The following TAB1 variants were observed in gnomAD, a reference collection of about 807,000 sequenced individuals.
The protein encoded by TAB1 is TGF-beta-activated kinase 1 and MAP3K7-binding protein 1.
Under a neutral mutation model 54.5 loss-of-function variants are expected in TAB1, and 30 were observed. That is an observed-to-expected ratio of 0.55 (90% CI 0.41 to 0.75). The LOEUF (loss-of-function observed/expected upper bound fraction) is 0.75, where lower values mean the gene tolerates loss of function less well. Ranked by LOEUF, TAB1 falls within the 30% of genes least tolerant of loss-of-function variation. TAB1 has a pLI of 0.00. For missense variants in TAB1, 609 were observed against 683.2 expected (o/e 0.89, Z 1.21); for synonymous variants, 289 against 286.9 (o/e 1.01, Z -0.07).
intron 6 of TAB1, among the ~76,000 whole-genome samples, chr22:39,419,140 C>G (rs1223740215): frequency 2.6e-5 from 4 of 152,218 alleles, no homozygotes; most frequent in African/African-American, 9.7e-5. Flanking sequence ...ACACAGAAGA[C>G]ACTTACTGTT....
intron 8 of TAB1, among the ~76,000 whole-genome samples, chr22:39,425,439 C>T (rs1487108158): frequency 1.3e-5 from 2 of 151,858 alleles, no homozygotes; most frequent in Non-Finnish European, 2.9e-5. Context: ...TGAAAATAGG[C>T]TTTGTGCTAG....
chr22:39,420,675 A>T (rs150838022), intron 7 of TAB1, among the ~76,000 whole-genome samples: 1 of 152,198 alleles, frequency 6.6e-6, no homozygotes, highest in East Asian at 1.9e-4. Context: ...AAGTCTTCCT[A>T]CACCACACTC....
chr22:39,414,493 G>C (rs200509528), intron 1 of TAB1, among the ~76,000 whole-genome samples: 1 of 152,228 alleles, frequency 6.6e-6, no homozygotes, highest in East Asian at 1.9e-4. Context: ...AGTTTCTCCA[G>C]GCTGGGTCTT....
chr22:39,433,752 C>T (rs1927676238), downstream of TAB1: 13 of 985,310 alleles, frequency 1.3e-5, no homozygotes, highest in Admixed American at 1.2e-4. Context: ...CTGTCTGGAG[C>T]GACTCCAGGC....
intron 1 of TAB1, among the ~76,000 whole-genome samples, chr22:39,403,879 C>T (rs1020270024): frequency 2.0e-5 from 3 of 152,036 alleles, no homozygotes; most frequent in Non-Finnish European, 2.9e-5. Context: ...CTCCTGACCT[C>T]GTGATCTGCC....
At chr22:39,413,141 T>C (rs1926679463) in intron 1 of TAB1, among the ~76,000 whole-genome samples, 2 of 151,996 alleles carry the variant, frequency 1.3e-5, no homozygotes, top group African/African-American at 4.8e-5. Flanking sequence ...GTCTCGATCT[T>C]CTGACCTCAT....
At chr22:39,426,120 A>C (rs1406190895) in intron 8 of TAB1, among the ~76,000 whole-genome samples, 1 of 152,156 alleles carries the variant, frequency 6.6e-6, no homozygotes, top group Non-Finnish European at 1.5e-5. Context: ...CAGCCTCCCA[A>C]AGTGCTGGGA....
Position 39,430,619 on chromosome 22 carries a change from C to CCCT in TAB1, c.*403_*405dup, listed in dbSNP as rs1261223420. The stretch of plus-strand genomic sequence containing the variant: ...GCAGACCCTGCTGTCCCAAGCCCAC[C>CCCT]CCTCCTCCCACCATCACCTCCCTCA... On this transcript the variant is annotated 3_prime_UTR_variant, in exon 11 of 11. Coordinates refer to ENST00000216160, the MANE Select transcript of TAB1 (RefSeq NM_006116.3). 9.1e-7 allele frequency: 1 copy of CCCT among 1,098,782 alleles called. No homozygotes were observed. Among genetic ancestry groups the CCCT allele is most frequent in the Non-Finnish European group, 1.1e-6 (1 of 894,394 alleles). The allele number at this position is 1,098,782 out of a possible 1,614,324, so 68.1% of individuals were successfully genotyped here. A position where few individuals can be genotyped will look rare whatever the true frequency, so the allele number is the denominator to read the frequency against.
At chr22:39,435,451 C>A (rs1227085790), downstream of TAB1, among the ~76,000 whole-genome samples, 1 of 152,132 alleles carries the variant, frequency 6.6e-6, no homozygotes, top group Non-Finnish European at 1.5e-5. Flanking sequence ...CTCCCGCGGC[C>A]CTCACCCAGC....
chr22:39,416,704 G>C (rs2145669095), intron 3 of TAB1, 87 bp from the exon 4 acceptor site: 1 of 1,267,218 alleles, frequency 7.9e-7, no homozygotes, highest in Non-Finnish European at 1.2e-6. Flanking sequence ...AGACAGCAAA[G>C]CTGCTGCTCT....
chr22:39,406,814 T>C (rs1387159595), intron 1 of TAB1, among the ~76,000 whole-genome samples: 1 of 152,118 alleles, frequency 6.6e-6, no homozygotes, highest in African/African-American at 2.4e-5. Flanking sequence ...TTTGTATTTT[T>C]AGTAGAGACG....
At chr22:39,429,901 G>C in intron 10 of TAB1, 114 bp from the exon 11 acceptor site, 1 of 1,543,486 alleles carries the variant, frequency 6.5e-7, no homozygotes. Flanking sequence ...ACCTCTGCCA[G>C]AAAGGCCTGT....
downstream of TAB1, chr22:39,436,553 C>A: frequency 6.2e-7 from 1 of 1,613,754 alleles, no homozygotes; most frequent in East Asian, 2.2e-5. Flanking sequence ...ACCTCCTGGG[C>A]AGCCTGACCC....
At chr22:39,401,249 C>G (rs560052605) in intron 1 of TAB1, among the ~76,000 whole-genome samples, 1 of 152,322 alleles carries the variant, frequency 6.6e-6, no homozygotes, top group South Asian at 2.1e-4. Context: ...AACCTGGAAC[C>G]AGAGCCTTGA....
chr22:39,421,938 A>G lies in TAB1; in HGVS notation c.888A>G (p.Leu296=). The change falls in exon 8 of 11, where the codon CTA becomes CTG. Residue 296 remains leucine, a synonymous_variant. Coordinates refer to ENST00000216160, the MANE Select transcript of TAB1 (RefSeq NM_006116.3). ...TGTCGGAGGGGTTGTACAAGGCCCT[A>G]GAGGCAGCCCATGGGCCTGGGCAGG... is the stretch of plus-strand genomic sequence containing the variant. ...VLMSEGLYKA[L]EAAHGPGQAN... is the part of the protein sequence containing the mutation. 4 of 1,601,186 alleles carry G rather than the reference A, an allele frequency of 2.5e-6. No homozygotes were observed. The highest frequency in any genetic ancestry group is 3.4e-6 in the Non-Finnish European group (4 of 1,174,416).
At chr22:39,411,217 A>G (rs2145662294) in intron 1 of TAB1, among the ~76,000 whole-genome samples, 1 of 152,350 alleles carries the variant, frequency 6.6e-6, no homozygotes, top group East Asian at 1.9e-4. Context: ...AGAAAAAAAC[A>G]TAGGTGCTCT....
intron 8 of TAB1, among the ~76,000 whole-genome samples, chr22:39,422,406 T>C (rs1428771498): frequency 2.2e-5 from 3 of 137,878 alleles, no homozygotes; most frequent in African/African-American, 8.1e-5. Context: ...ATTTCTTTTT[T>C]TTTTTTTTTT....
chr22:39,420,771 GTC>G (rs1214820522), intron 7 of TAB1, among the ~76,000 whole-genome samples: 6 of 132,124 alleles, frequency 4.5e-5, no homozygotes, highest in African/African-American at 5.9e-5. Flanking sequence ...CACACACGGT[GTC>G]TCTGTGTGTG....
At chr22:39,411,758 A>G (rs879746440) in intron 1 of TAB1, among the ~76,000 whole-genome samples, 1 of 152,266 alleles carries the variant, frequency 6.6e-6, no homozygotes, top group Non-Finnish European at 1.5e-5. Context: ...AGTTACATTC[A>G]TACAAAAACC....
Sources: gnomAD v4.1 joint callset for allele counts (sites outside exome capture counted in the v4.1 genomes callset) on GRCh38, gnomAD v4.1.1 for gene constraint, MANE v1.5 for transcripts, NCBI Gene and HGNC (gene_info 2026-07-23, HGNC 2026-07-21) for gene names.